Variants in DNAI4 observed in about 807,000 individuals in gnomAD.
DNAI4 encodes the protein WD repeat domain 78.
A neutral mutation model predicts 105.8 loss-of-function variants in DNAI4; 85 were observed. That is an observed-to-expected ratio of 0.80 (90% CI 0.67 to 0.96). The LOEUF (loss-of-function observed/expected upper bound fraction) is 0.96, where lower values mean the gene tolerates loss of function less well. Among genes scored for constraint, DNAI4 ranks in the 40% least tolerant of loss-of-function variants. DNAI4 has a pLI of 0.00. For missense variants in DNAI4, 1,014 were observed against 1,005.6 expected (o/e 1.01, Z -0.11); for synonymous variants, 352 against 331.5 (o/e 1.06, Z -0.67).
intron 7 of DNAI4, among the ~76,000 whole-genome samples, chr1:66,854,421 T>G (rs1212714113): frequency 1.3e-5 from 2 of 151,746 alleles, no homozygotes; most frequent in Non-Finnish European, 2.9e-5. Context: ...CTATATACAA[T>G]TGCTTAAAAA....
intron 7 of DNAI4, among the ~76,000 whole-genome samples, chr1:66,858,639 G>A (rs1327876379): frequency 1.3e-5 from 2 of 151,524 alleles, no homozygotes; most frequent in African/African-American, 4.9e-5. Flanking sequence ...GTTTTTTCAA[G>A]GTATGCAAAG....
rs549891790 is a variant in DNAI4, at chr1:66,867,538, C to A, written c.940+3832G>T. On this transcript the variant is annotated intron_variant, in intron 6 of 16. Transcript: ENST00000371026. ...AAACATTTTATTAAGCTATCAAGAT[C>A]TTTTTATTCTTTGGATTTTTTTTTA... 5.3e-5 allele frequency among the ~76,000 whole-genome samples: 8 copies of A among 151,514 alleles called. No individual in the cohort carries two copies. In the East Asian group the frequency reaches 1.6e-3, roughly 29 times the overall value.
In DNAI4 at chr1:66,874,925, A is replaced by G. The variant is rs1331845393; in HGVS notation, c.656T>C (p.Ile219Thr). 2 of 1,593,208 alleles carry G rather than the reference A, an allele frequency of 1.3e-6. No homozygotes were observed. The highest frequency in any genetic ancestry group is 3.7e-5 in the Admixed American group (2 of 53,342). ...TACAATTTTTTCAGGTGCTGCCCTT[A>G]TAACTTGCAAATCTAAAATACATGA... ...RLTSFTDLQVIRAAPEKIVTK... is the reference protein window; with the variant it reads ...RLTSFTDLQVTRAAPEKIVTK... Residue 219 changes from isoleucine (I) to threonine (T), a missense_variant, in exon 5 of 17, where the codon ATA becomes ACA. Coordinates refer to ENST00000371026, the MANE Select transcript of DNAI4 (RefSeq NM_024763.5).
At chr1:66,816,260 T>C (rs140270262) in intron 16 of DNAI4, among the ~76,000 whole-genome samples, 8 of 152,300 alleles carry the variant, frequency 5.3e-5, no homozygotes, top group Admixed American at 1.3e-4. Context: ...GTTTCCTTTG[T>C]ATACCTCCTA....
In DNAI4 at chr1:66,874,270, T is replaced by C. The variant is rs1464223799; in HGVS notation, c.800+511A>G. Reference sequence around the variant, plus strand: ...CAAAATACTTGAGACCAAAACTAACTCTATTTATATTCATTAATAAAGAGA... The same window carrying C: ...CAAAATACTTGAGACCAAAACTAACCCTATTTATATTCATTAATAAAGAGA... On this transcript the variant is annotated intron_variant, in intron 5 of 16. Coordinates refer to ENST00000371026, the MANE Select transcript of DNAI4 (RefSeq NM_024763.5). Among the ~76,000 whole-genome samples the C allele has an allele frequency of 2.0e-5, 3 of 152,076 alleles. No individual in the cohort carries two copies. The South Asian group carries it at 6.2e-4, about 31-fold the overall frequency.
At chr1:66,896,235 T>C (rs1648327907) in intron 2 of DNAI4, among the ~76,000 whole-genome samples, 1 of 152,234 alleles carries the variant, frequency 6.6e-6, no homozygotes, top group African/African-American at 2.4e-5. Context: ...TTTTTGTTTG[T>C]CTGCTTTGGT....
chr1:66,904,021 GTATA>G (rs140920454), intron 2 of DNAI4, among the ~76,000 whole-genome samples: 5 of 149,146 alleles, frequency 3.4e-5, no homozygotes, highest in Non-Finnish European at 7.4e-5. Flanking sequence ...GTTTGTGTGT[GTATA>G]TATACATATG....
At chr1:66,845,065 C>T (rs752607434) in intron 8 of DNAI4, among the ~76,000 whole-genome samples, 20 of 151,208 alleles carry the variant, frequency 1.3e-4, no homozygotes, top group African/African-American at 2.2e-4. Context: ...TGGTGGTGGG[C>T]GCCTGTAATC....
rs79676475 is a variant in DNAI4 at position 66,861,778 on chromosome 1, G to C, written c.1096+369C>G. Among the ~76,000 whole-genome samples, 19 of 152,302 alleles carry C rather than the reference G, an allele frequency of 1.2e-4. No homozygotes were observed. In the East Asian group the frequency reaches 3.7e-3, roughly 29 times the overall value. Reference sequence around the variant, plus strand: ...AAATAGCCCCAAATTAAGAGCCACTGTTGTTAATGTATAAATCCATTTTAA... The same window carrying C: ...AAATAGCCCCAAATTAAGAGCCACTCTTGTTAATGTATAAATCCATTTTAA... On this transcript the variant is annotated intron_variant, in intron 7 of 16. Transcript: ENST00000371026.
chr1:66,920,094 C>T (rs771925505), intron 1 of DNAI4, among the ~76,000 whole-genome samples: 20 of 152,134 alleles, frequency 1.3e-4, no homozygotes, highest in Admixed American at 3.9e-4. Context: ...ACCCATGGCC[C>T]GCCCTGTCCC....
rs1183311182 is a variant in DNAI4 at position 66,835,750 on chromosome 1, A to G, written c.1609T>C (p.Tyr537His). ...GAAAAATCCACAGCAGTAACTCCAT[A>G]TGGACTCTGATAAATACGTTCTGGC... ...MWPERIYQSPYGVTAVDFSIG... is the reference protein window; with the variant it reads ...MWPERIYQSPHGVTAVDFSIG... The change falls in exon 11 of 17, where the codon TAT becomes CAT. Residue 537 changes from tyrosine (Y) to histidine (H), a missense_variant. Transcript: ENST00000371026. 2.5e-6 allele frequency: 4 copies of G among 1,613,976 alleles called. No individual in the cohort carries two copies. The highest frequency in any genetic ancestry group is 3.4e-6 in the Non-Finnish European group (4 of 1,179,988).
chr1:66,874,777 A>T lies in DNAI4; in HGVS notation c.800+4T>A, dbSNP rs1023537301. On this transcript the variant is annotated splice_donor_region_variant and intron_variant, in intron 5 of 16. Transcript: ENST00000371026. ...AACAATGTAGACAACTGAACCATAC[A>T]TACGTTACTTTCTCAGCTTCTTCAG... 1.9e-6 allele frequency: 3 copies of T among 1,603,548 alleles called. No individual in the cohort carries two copies. Among genetic ancestry groups the T allele is most frequent in the Non-Finnish European group, 2.5e-6 (3 of 1,177,186 alleles).
intron 9 of DNAI4, among the ~76,000 whole-genome samples, 196 bp downstream of exon 9, chr1:66,840,272 GA>G (rs1244507617): frequency 1.3e-5 from 2 of 152,144 alleles, no homozygotes; most frequent in Non-Finnish European, 2.9e-5. Flanking sequence ...TATTAAAGGG[GA>G]AAAACATTAT....
intron 1 of DNAI4, among the ~76,000 whole-genome samples, chr1:66,918,379 T>C (rs1483780084): frequency 6.6e-6 from 1 of 152,214 alleles, no homozygotes; most frequent in Non-Finnish European, 1.5e-5. Flanking sequence ...TGGCCACAAG[T>C]CTTCAAAATA....
intron 4 of DNAI4, among the ~76,000 whole-genome samples, chr1:66,887,513 T>C (rs1647255030): frequency 6.6e-6 from 1 of 152,178 alleles, no homozygotes; most frequent in South Asian, 2.1e-4. Flanking sequence ...TATATTTTTA[T>C]CTAGAAGTAT....
chr1:66,870,065 TA>T (rs1167144157), intron 6 of DNAI4, among the ~76,000 whole-genome samples: 2 of 152,208 alleles, frequency 1.3e-5, no homozygotes, highest in African/African-American at 2.4e-5. Flanking sequence ...AAGCAATGAT[TA>T]ATTTTTTTGC....
At chr1:66,834,202 G>T (rs1456822007) in intron 11 of DNAI4, 54 bp from the exon 12 acceptor site, 21 of 1,422,838 alleles carry the variant, frequency 1.5e-5, no homozygotes, top group Non-Finnish European at 2.0e-5. Context: ...ATTTCTTAAA[G>T]GCCTTGGAGT....
chr1:66,881,781 A>G (rs1647076488), intron 4 of DNAI4, among the ~76,000 whole-genome samples: 1 of 152,158 alleles, frequency 6.6e-6, no homozygotes, highest in Non-Finnish European at 1.5e-5. Flanking sequence ...AGGACATGAG[A>G]TTTAGAAGAG....
chr1:66,816,486 A>G (rs1645518172), intron 16 of DNAI4, among the ~76,000 whole-genome samples: 1 of 152,124 alleles, frequency 6.6e-6, no homozygotes, highest in Non-Finnish European at 1.5e-5. Context: ...AATTATTATT[A>G]TGACTATAAT....
Sources: allele counts gnomAD v4.1 joint callset (sites outside exome capture counted in the v4.1 genomes callset), GRCh38; gene constraint gnomAD v4.1.1; transcripts MANE v1.5; gene names NCBI Gene and HGNC (gene_info 2026-07-23, HGNC 2026-07-21).